ADGRL2: variants seen among roughly 807,000 people sequenced by gnomAD.
ADGRL2 encodes calcium-independent alpha-latrotoxin receptor 2.
A neutral mutation model predicts 157.4 loss-of-function variants in ADGRL2; 44 were observed. The ratio of observed to expected loss-of-function variants is 0.28; its 90% confidence interval spans 0.22 to 0.36. The LOEUF (loss-of-function observed/expected upper bound fraction) is 0.36. Ranked by LOEUF, ADGRL2 falls within the 10% of genes least tolerant of loss-of-function variation. ADGRL2 has a pLI of 1.00. For synonymous variants in ADGRL2, 585 were observed against 624.7 expected (o/e 0.94, Z 0.95); for missense variants, 1,510 against 1,768.9 (o/e 0.85, Z 2.63).
At chr1:81,823,517 C>T (rs2091200405) in intron 1 of ADGRL2, among the ~76,000 whole-genome samples, 1 of 151,944 alleles carries the variant, frequency 6.6e-6, no homozygotes, top group South Asian at 2.1e-4. Context: ...GTTATACTCA[C>T]TGGTAAGGTA....
intron 2 of ADGRL2, among the ~76,000 whole-genome samples, chr1:81,504,268 C>T (rs2078920220): frequency 6.6e-6 from 1 of 152,126 alleles, no homozygotes; most frequent in Admixed American, 6.5e-5. Flanking sequence ...TCATCCTTTC[C>T]CCAGCCCTCT....
At chr1:81,601,769 G>A (rs2081337279) in intron 3 of ADGRL2, among the ~76,000 whole-genome samples, 1 of 152,192 alleles carries the variant, frequency 6.6e-6, no homozygotes, top group Admixed American at 6.5e-5. Context: ...AAATGTGACA[G>A]TAGTGACCCT....
chr1:81,442,067 C>T (rs1346405713), intron 1 of ADGRL2, among the ~76,000 whole-genome samples: 1 of 152,140 alleles, frequency 6.6e-6, no homozygotes. Flanking sequence ...CTCCTGGGCT[C>T]AAGCAATCCT....
intron 1 of ADGRL2, among the ~76,000 whole-genome samples, chr1:81,406,996 T>C (rs2076865274): frequency 6.6e-6 from 1 of 152,208 alleles, no homozygotes; most frequent in South Asian, 2.1e-4. Flanking sequence ...CATTTTGTTT[T>C]GAGTTACATT....
At chr1:81,842,945 A>C (rs2092652452) in intron 2 of ADGRL2, among the ~76,000 whole-genome samples, 1 of 152,070 alleles carries the variant, frequency 6.6e-6, no homozygotes, top group Admixed American at 6.6e-5. Context: ...TGATTAGTTG[A>C]AGTCTAGGAG....
intron 1 of ADGRL2, among the ~76,000 whole-genome samples, chr1:81,374,714 G>C (rs989608285): frequency 6.6e-6 from 1 of 152,138 alleles, no homozygotes; most frequent in Non-Finnish European, 1.5e-5. Flanking sequence ...GCACTTGTCT[G>C]CTCTGGCATG....
chr1:81,501,694 T>G, intron 2 of ADGRL2: 1 of 1,590,352 alleles, frequency 6.3e-7, no homozygotes, highest in Non-Finnish European at 8.6e-7. Context: ...CCCGCACAGG[T>G]TTAGACCCAG....
intron 2 of ADGRL2, among the ~76,000 whole-genome samples, chr1:81,868,412 C>G (rs1269836030): frequency 1.3e-5 from 2 of 152,068 alleles, no homozygotes; most frequent in Admixed American, 1.3e-4. Flanking sequence ...CTTTTCCTAT[C>G]AAAAACTCTC....
At chr1:81,968,277 T>C in intron 14 of ADGRL2, 78 bp downstream of exon 14, 1 of 1,219,964 alleles carries the variant, frequency 8.2e-7, no homozygotes, top group Non-Finnish European at 1.2e-6. Context: ...GTCCCATTCT[T>C]TGGGTGCTTA....
chr1:81,513,000 A>G (rs986463887), intron 2 of ADGRL2, among the ~76,000 whole-genome samples: 1 of 152,170 alleles, frequency 6.6e-6, no homozygotes, highest in Non-Finnish European at 1.5e-5. Context: ...AGAAAAATGC[A>G]TGAATCTTTA....
At chr1:81,830,732 C>G (rs536683418) in intron 1 of ADGRL2, among the ~76,000 whole-genome samples, 40 of 152,250 alleles carry the variant, frequency 2.6e-4, no homozygotes, top group African/African-American at 8.4e-4. Flanking sequence ...GTCTCGAACT[C>G]CTGACCTCAG....
chr1:81,530,817 G>C (rs1043196178), intron 2 of ADGRL2, among the ~76,000 whole-genome samples: 1 of 152,142 alleles, frequency 6.6e-6, no homozygotes, highest in Non-Finnish European at 1.5e-5. Context: ...GGGCCTGGTG[G>C]CTCATGCCTG....
chr1:81,721,468 C>T (rs908226759), intron 1 of ADGRL2, among the ~76,000 whole-genome samples: 5 of 152,048 alleles, frequency 3.3e-5, no homozygotes, highest in Admixed American at 3.3e-4. Flanking sequence ...TAAAAATCTG[C>T]AGGTAGGCCG....
intron 2 of ADGRL2, among the ~76,000 whole-genome samples, chr1:81,570,596 C>T (rs900065882): frequency 1.3e-5 from 2 of 152,098 alleles, no homozygotes; most frequent in Admixed American, 1.3e-4. Context: ...GCTATGTTGG[C>T]CAGGTTGGTC....
At chr1:81,745,684 A>G (rs2085222743) in intron 1 of ADGRL2, among the ~76,000 whole-genome samples, 2 of 152,134 alleles carry the variant, frequency 1.3e-5, no homozygotes, top group Non-Finnish European at 2.9e-5. Context: ...TTATTTATGG[A>G]TTTATAAGGG....
intron 3 of ADGRL2, among the ~76,000 whole-genome samples, chr1:81,642,248 CAAAA>C (rs35830955): frequency 3.2e-5 from 2 of 61,630 alleles, no homozygotes; most frequent in East Asian, 4.7e-4. Flanking sequence ...ACTCTGTCTC[CAAAA>C]AAAAAAAAAA....
At chr1:81,321,603 G>A (rs1247415735) in intron 1 of ADGRL2, among the ~76,000 whole-genome samples, 1 of 152,150 alleles carries the variant, frequency 6.6e-6, no homozygotes, top group Non-Finnish European at 1.5e-5. Flanking sequence ...CAGTGGATGA[G>A]CAACTGGAGA....
chr1:81,680,506 A>G lies in ADGRL2; in HGVS notation c.-142-81305A>G, dbSNP rs374331092. 2.9e-3 allele frequency among the ~76,000 whole-genome samples: 448 copies of G among 152,174 alleles called. 2 individuals carry two copies. The highest frequency in any genetic ancestry group is 4.8e-3 in the Admixed American group (73 of 15,288). ...GACTGAATATTCCCCAAATGCAACC[A>G]TCATGAGGCTGGCATGCTTACACTG... On this transcript the variant is annotated intron_variant, in intron 3 of 24. Transcript: ENST00000370721.
At chr1:81,711,562 G>A (rs1324602025) in intron 1 of ADGRL2, among the ~76,000 whole-genome samples, 1 of 152,016 alleles carries the variant, frequency 6.6e-6, no homozygotes, top group Non-Finnish European at 1.5e-5. Flanking sequence ...CTTAAAATTG[G>A]TATTTTTTTG....
Sources: allele counts gnomAD v4.1 joint callset (sites outside exome capture counted in the v4.1 genomes callset), GRCh38; gene constraint gnomAD v4.1.1; transcripts MANE v1.5; gene names NCBI Gene and HGNC (gene_info 2026-07-23, HGNC 2026-07-21).